Variants in CTNNA2 observed in about 807,000 individuals in gnomAD.
The protein encoded by CTNNA2 is catenin alpha-2.
Under a neutral mutation model 101.0 loss-of-function variants are expected in CTNNA2, and 42 were observed. The observed-to-expected ratio is 0.42, with a 90% CI of 0.32 to 0.54. The LOEUF is 0.54. CTNNA2 is among the 20% of genes least tolerant of loss of function. The pLI, the probability that CTNNA2 is intolerant of heterozygous loss-of-function variation, is 0.14. For synonymous variants in CTNNA2, 450 were observed against 456.4 expected (o/e 0.99, Z 0.18); for missense variants, 871 against 1,223.1 (o/e 0.71, Z 4.29).
At chr2:79,818,839 A>ATATATATATG (rs1677756620) in intron 3 of CTNNA2, among the ~76,000 whole-genome samples, 4 of 139,342 alleles carry the variant, frequency 2.9e-5, no homozygotes, top group Non-Finnish European at 6.1e-5. Flanking sequence ...ATATATATAT[A>ATATATATATG]TATATATATG....
upstream of CTNNA2, among the ~76,000 whole-genome samples, chr2:79,510,144 G>T (rs962516073): frequency 2.0e-5 from 3 of 152,130 alleles, no homozygotes; most frequent in Non-Finnish European, 2.9e-5. Flanking sequence ...AGGATCTTCT[G>T]CATTTGAACA....
At chr2:80,001,905 T>C (rs1692976101) in intron 7 of CTNNA2, among the ~76,000 whole-genome samples, 1 of 152,240 alleles carries the variant, frequency 6.6e-6, no homozygotes, top group African/African-American at 2.4e-5. Flanking sequence ...TTTAGAATAC[T>C]GTTCATTTTT....
At chr2:80,449,687 A>G (rs1197058187) in intron 9 of CTNNA2, among the ~76,000 whole-genome samples, 2 of 152,194 alleles carry the variant, frequency 1.3e-5, no homozygotes, top group Non-Finnish European at 2.9e-5. Context: ...CCAGTGATCA[A>G]TAAGGATGTG....
chr2:80,556,724 A>T (rs1693071224), intron 12 of CTNNA2, among the ~76,000 whole-genome samples: 1 of 152,112 alleles, frequency 6.6e-6, no homozygotes, highest in Admixed American at 6.5e-5. Flanking sequence ...ATGAGATAAG[A>T]TATATAGTCC....
At chr2:80,043,044 T>C (rs564961829) in intron 7 of CTNNA2, among the ~76,000 whole-genome samples, 5 of 16,256 alleles carry the variant, frequency 3.1e-4, no homozygotes, top group Admixed American at 1.3e-3. Context: ...TCTTTCCTTC[T>C]TTCTTTCTTT....
chr2:80,107,469 C>T (rs769139823), intron 7 of CTNNA2, among the ~76,000 whole-genome samples: 3 of 152,082 alleles, frequency 2.0e-5, no homozygotes, highest in South Asian at 2.1e-4. Flanking sequence ...CAGAGATGGC[C>T]GGACATCAGG....
chr2:80,465,672 C>G (rs1461868584), intron 9 of CTNNA2, among the ~76,000 whole-genome samples: 2 of 152,150 alleles, frequency 1.3e-5, no homozygotes, highest in Non-Finnish European at 2.9e-5. Flanking sequence ...TGCCCTCGCC[C>G]TAGCCCTCCC....
chr2:80,326,994 G>A (rs1670871932), intron 7 of CTNNA2, among the ~76,000 whole-genome samples: 1 of 152,042 alleles, frequency 6.6e-6, no homozygotes, highest in South Asian at 2.1e-4. Context: ...GTGTTCCTAA[G>A]GCACTACCGC....
intron 7 of CTNNA2, among the ~76,000 whole-genome samples, chr2:80,296,374 A>AT (rs925358340): frequency 1.4e-4 from 21 of 151,538 alleles, no homozygotes; most frequent in East Asian, 1.2e-3. Context: ...TGTTAACTTG[A>AT]TTTTTTTTTC....
intron 3 of CTNNA2, among the ~76,000 whole-genome samples, chr2:79,847,771 A>G (rs2103882644): frequency 6.6e-6 from 1 of 152,220 alleles, no homozygotes; most frequent in East Asian, 1.9e-4. Context: ...TGAGGAAATC[A>G]AGATGTCCTT....
intron 1 of CTNNA2, among the ~76,000 whole-genome samples, chr2:79,597,007 T>C (rs1230642345): frequency 6.6e-6 from 1 of 152,192 alleles, no homozygotes; most frequent in African/African-American, 2.4e-5. Context: ...CACATCCACC[T>C]TGCATAGAGC....
chr2:79,977,662 A>G (rs1690965449), intron 7 of CTNNA2, among the ~76,000 whole-genome samples: 1 of 152,152 alleles, frequency 6.6e-6, no homozygotes, highest in Non-Finnish European at 1.5e-5. Flanking sequence ...CTAATTGGGG[A>G]AAAATGTAGA....
At chr2:80,122,162 C>T (rs986252493) in intron 7 of CTNNA2, among the ~76,000 whole-genome samples, 7 of 151,846 alleles carry the variant, frequency 4.6e-5, no homozygotes, top group African/African-American at 4.8e-5. Flanking sequence ...CTTGGAATCT[C>T]TCTCTTTCTC....
At chr2:79,675,824 G>C (rs183320632) in intron 2 of CTNNA2, among the ~76,000 whole-genome samples, 3 of 152,242 alleles carry the variant, frequency 2.0e-5, no homozygotes, top group African/African-American at 7.2e-5. Flanking sequence ...ACCTTTACAA[G>C]GATATAAAAA....
intron 8 of CTNNA2, 57 bp from the exon 9 acceptor site, chr2:80,419,391 TG>T: frequency 7.2e-7 from 1 of 1,386,452 alleles, no homozygotes; most frequent in Non-Finnish European, 1.0e-6. Context: ...AGAAAAAAAA[TG>T]GGCAATTATA....
chr2:79,638,557 A>T (rs1680235327), intron 1 of CTNNA2, among the ~76,000 whole-genome samples: 1 of 152,204 alleles, frequency 6.6e-6, no homozygotes. Flanking sequence ...AGGCTAATTA[A>T]ATGCAGGAGA....
chr2:79,576,110 A>G (rs1359110367), intron 1 of CTNNA2, among the ~76,000 whole-genome samples: 1 of 152,196 alleles, frequency 6.6e-6, no homozygotes, highest in Non-Finnish European at 1.5e-5. Context: ...CAAAAATCAG[A>G]CACTTAAAAG....
At chr2:80,305,199 C>T (rs1244633768) in intron 7 of CTNNA2, 3 of 985,136 alleles carry the variant, frequency 3.0e-6, no homozygotes, top group Admixed American at 6.2e-5. Context: ...CCCCCTCTTG[C>T]GGGTACTGGA....
chr2:79,491,074 A>C (rs1671203403), intron 4 of CTNNA2, among the ~76,000 whole-genome samples: 1 of 152,200 alleles, frequency 6.6e-6, no homozygotes, highest in Admixed American at 6.5e-5. Context: ...AGGAAGAGGA[A>C]AAAAATTTGA....
Sources: allele counts gnomAD v4.1 joint callset (sites outside exome capture counted in the v4.1 genomes callset), GRCh38; gene constraint gnomAD v4.1.1; transcripts MANE v1.5; gene names NCBI Gene and HGNC (gene_info 2026-07-23, HGNC 2026-07-21).